The following GRM7 variants were observed in gnomAD, a reference collection of about 807,000 sequenced individuals.
GRM7 encodes the protein glutamate metabotropic receptor 7, also known as metabotropic glutamate receptor 7.
In GRM7, 35 loss-of-function variants were observed where a neutral mutation model predicts 84.5. The observed-to-expected ratio is 0.41, with a 90% CI of 0.32 to 0.55. The LOEUF (loss-of-function observed/expected upper bound fraction) is 0.55. Among genes scored for constraint, GRM7 ranks in the 20% least tolerant of loss-of-function variants. The pLI is 0.19. For synonymous variants in GRM7, 487 were observed against 455.1 expected, an observed-to-expected ratio of 1.07 and a Z score of -0.89; for missense variants, 1,003 against 1,194.6, an observed-to-expected ratio of 0.84 and a Z score of 2.36.
intron 4 of GRM7, among the ~76,000 whole-genome samples, chr3:7,340,657 A>G (rs181320044): frequency 4.8e-4 from 73 of 152,268 alleles, no homozygotes; most frequent in African/African-American, 1.7e-3. Context: ...GAAAGAGGGC[A>G]TCCCCAGAAG....
intron 1 of GRM7, among the ~76,000 whole-genome samples, chr3:7,005,559 C>A (rs191149308): frequency 1.3e-5 from 2 of 152,148 alleles, no homozygotes; most frequent in African/African-American, 2.4e-5. Flanking sequence ...AAACATACTT[C>A]ATAAGAACAT....
intron 4 of GRM7, among the ~76,000 whole-genome samples, chr3:7,371,357 T>C (rs1165996267): frequency 6.6e-6 from 1 of 152,158 alleles, no homozygotes; most frequent in Non-Finnish European, 1.5e-5. Flanking sequence ...AGTAAAATAT[T>C]TCACCTCTCA....
intron 4 of GRM7, among the ~76,000 whole-genome samples, chr3:7,361,959 C>G (rs13080594): frequency 6.6e-6 from 1 of 151,694 alleles, no homozygotes; most frequent in East Asian, 1.9e-4. Context: ...TAATTTCTGC[C>G]GATTCTAAAG....
chr3:7,623,739 A>C (rs1159138305), intron 8 of GRM7, among the ~76,000 whole-genome samples: 1 of 152,164 alleles, frequency 6.6e-6, no homozygotes, highest in African/African-American at 2.4e-5. Context: ...TGCCAGCATA[A>C]TCAGATGTGC....
intron 1 of GRM7, among the ~76,000 whole-genome samples, chr3:6,891,356 T>C (rs1695935130): frequency 6.6e-6 from 1 of 152,256 alleles, no homozygotes; most frequent in Non-Finnish European, 1.5e-5. Context: ...GGCATGATTT[T>C]GCAGTGGCTG....
At chr3:6,958,889 T>C (rs2125079214) in intron 1 of GRM7, among the ~76,000 whole-genome samples, 1 of 152,272 alleles carries the variant, frequency 6.6e-6, no homozygotes, top group Non-Finnish European at 1.5e-5. Flanking sequence ...GAAGAATTAA[T>C]GCAGATAAGT....
intron 3 of GRM7, among the ~76,000 whole-genome samples, chr3:7,300,358 G>A (rs1272381424): frequency 6.6e-6 from 1 of 152,118 alleles, no homozygotes; most frequent in African/African-American, 2.4e-5. Flanking sequence ...ATAAAGCTCT[G>A]ACCACAGGTG....
At chr3:7,567,678 G>T (rs1015502834) in intron 7 of GRM7, among the ~76,000 whole-genome samples, 2 of 143,054 alleles carry the variant, frequency 1.4e-5, no homozygotes, top group Admixed American at 1.5e-4. Flanking sequence ...AACCCGGGAG[G>T]CAGAGGTTGC....
intron 4 of GRM7, among the ~76,000 whole-genome samples, chr3:7,360,333 TA>T (rs1693607480): frequency 7.6e-6 from 1 of 131,770 alleles, no homozygotes; most frequent in Non-Finnish European, 1.6e-5. Flanking sequence ...TTTGGACTTT[TA>T]AAGAAGGAAG....
chr3:7,169,781 G>A (rs944983169), intron 2 of GRM7, among the ~76,000 whole-genome samples: 1 of 152,076 alleles, frequency 6.6e-6, no homozygotes, highest in Non-Finnish European at 1.5e-5. Flanking sequence ...ACGTACTTTT[G>A]CCAATAATTA....
chr3:7,142,565 C>T (rs1693981901), intron 1 of GRM7, among the ~76,000 whole-genome samples: 1 of 152,088 alleles, frequency 6.6e-6, no homozygotes, highest in South Asian at 2.1e-4. Context: ...GATCCAATTG[C>T]CTCCACTTGG....
At position 7,613,682 on chromosome 3, in the gene GRM7, T is replaced by C. The variant is rs116275716; in HGVS notation, c.2451+34325T>C. Among the ~76,000 whole-genome samples, 1,309 of 152,284 alleles carry C rather than the reference T, an allele frequency of 8.6e-3. 8 individuals carry two copies. The highest frequency in any genetic ancestry group is 0.017 in the Middle Eastern group (5 of 294). On this transcript the variant is annotated intron_variant, in intron 8 of 9. Coordinates refer to ENST00000357716, the MANE Select transcript of GRM7 (RefSeq NM_000844.4). ...CTGTGGAAGTTAGATAATCTGGGCC[T>C]TAATTTCCTCTCTAAGGCCCCTTCC...
chr3:7,082,804 A>C (rs576840223), intron 1 of GRM7, among the ~76,000 whole-genome samples: 1 of 152,148 alleles, frequency 6.6e-6, no homozygotes. Context: ...CAAGACACCA[A>C]TGGAAAAAGT....
intron 1 of GRM7, among the ~76,000 whole-genome samples, chr3:6,927,321 G>T (rs998688353): frequency 1.3e-5 from 2 of 151,906 alleles, no homozygotes; most frequent in African/African-American, 4.8e-5. Flanking sequence ...CCAGCTATTC[G>T]GGAGGCTGAG....
In GRM7 at chr3:7,323,539, A is replaced by G. The variant is rs191431874; in HGVS notation, c.1033+16887A>G. ...ATGATATCATCAATATAGTGGTTTC[A>G]TCTGATTTTCTGCCAAATGGCCACA... is the stretch of plus-strand genomic sequence containing the variant. On this transcript the variant is annotated intron_variant, in intron 4 of 9. Coordinates refer to ENST00000357716, the MANE Select transcript of GRM7 (RefSeq NM_000844.4). Among the ~76,000 whole-genome samples, 43 of 152,258 alleles carry G rather than the reference A, an allele frequency of 2.8e-4. No individual in the cohort carries two copies. The Middle Eastern group carries it at 0.017, about 60-fold the overall frequency.
At chr3:7,190,192 T>C (rs772266658) in intron 2 of GRM7, among the ~76,000 whole-genome samples, 22 of 152,152 alleles carry the variant, frequency 1.4e-4, no homozygotes, top group Non-Finnish European at 2.8e-4. Context: ...AAATATCCTC[T>C]CTCTGTGCTT....
chr3:7,070,605 A>T (rs1057181068), intron 1 of GRM7, among the ~76,000 whole-genome samples: 5 of 152,028 alleles, frequency 3.3e-5, no homozygotes, highest in Non-Finnish European at 5.9e-5. Flanking sequence ...AATTTTTTTT[A>T]AAGTCACTAC....
chr3:7,321,612 G>GTTTT (rs568422134), intron 4 of GRM7, among the ~76,000 whole-genome samples: 1 of 145,480 alleles, frequency 6.9e-6, no homozygotes. Context: ...TTTTATGTTT[G>GTTTT]TTTTTTTTTT....
At chr3:7,423,424 C>T (rs1696477458) in intron 5 of GRM7, among the ~76,000 whole-genome samples, 1 of 152,174 alleles carries the variant, frequency 6.6e-6, no homozygotes, top group Non-Finnish European at 1.5e-5. Context: ...GAAGGAATTC[C>T]TGAACTAGGG....
Sources: allele counts gnomAD v4.1 joint callset (sites outside exome capture counted in the v4.1 genomes callset), GRCh38; gene constraint gnomAD v4.1.1; transcripts MANE v1.5; gene names NCBI Gene and HGNC (gene_info 2026-07-23, HGNC 2026-07-21).